The following C12orf42 variants were observed in gnomAD, a reference collection of about 807,000 sequenced individuals.
C12orf42 encodes the protein chromosome 12 open reading frame 42.
In C12orf42, 25 loss-of-function variants were observed where a neutral mutation model predicts 21.6. The ratio of observed to expected loss-of-function variants is 1.16; its 90% CI spans 0.84 to 1.62. The LOEUF is 1.62. C12orf42 is among the 40% of genes most tolerant of loss of function. C12orf42 has a pLI of 0.00. For missense variants in C12orf42, 483 were observed against 459.3 expected, an observed-to-expected ratio of 1.05 and a Z score of -0.47; for synonymous variants, 174 against 175.0, an observed-to-expected ratio of 0.99 and a Z score of 0.05.
intron 4 of C12orf42, among the ~76,000 whole-genome samples, chr12:103,365,559 T>C (rs887959530): frequency 1.3e-5 from 2 of 152,030 alleles, no homozygotes; most frequent in African/African-American, 4.8e-5. Context: ...GATGATATGA[T>C]TGTATACTTA....
chr12:103,235,040 A>C (rs1384079144), downstream of C12orf42, among the ~76,000 whole-genome samples: 2 of 152,208 alleles, frequency 1.3e-5, no homozygotes, highest in African/African-American at 4.8e-5. Context: ...TTCATTATTT[A>C]AAAATTATTT....
At chr12:103,075,205 GT>G in the C12orf42 span, among the ~76,000 whole-genome samples, 1 of 152,138 alleles carries the variant, frequency 6.6e-6, no homozygotes, top group Admixed American at 6.6e-5. Flanking sequence ...GAAATGTACT[GT>G]TTTTAGTTTT....
At chr12:103,496,602 A>G (rs975566721), upstream of C12orf42, among the ~76,000 whole-genome samples, 1 of 152,188 alleles carries the variant, frequency 6.6e-6, no homozygotes, top group Admixed American at 6.5e-5. Flanking sequence ...ATTCCTGCCC[A>G]TAAGCTGTCC....
the C12orf42 span, among the ~76,000 whole-genome samples, chr12:103,193,774 G>T: frequency 1.3e-5 from 2 of 152,012 alleles, no homozygotes; most frequent in South Asian, 4.1e-4. Flanking sequence ...TTTTAAAAAA[G>T]AATTAATACC....
intron 2 of C12orf42, among the ~76,000 whole-genome samples, chr12:103,430,183 G>C (rs1349149702): frequency 6.6e-6 from 1 of 152,094 alleles, no homozygotes; most frequent in Non-Finnish European, 1.5e-5. Context: ...GCAACTTACA[G>C]AATGGGAGAA....
At chr12:103,532,050 T>A in the C12orf42 span, among the ~76,000 whole-genome samples, 5 of 152,234 alleles carry the variant, frequency 3.3e-5, no homozygotes, top group African/African-American at 4.8e-5. Flanking sequence ...CTTGCTATCA[T>A]GTTCTGCTCT....
chr12:103,465,642 C>T (rs370895738), intron 2 of C12orf42, among the ~76,000 whole-genome samples: 3 of 152,030 alleles, frequency 2.0e-5, no homozygotes, highest in African/African-American at 4.8e-5. Context: ...CTATGTTGAA[C>T]GAGAGTGGTG....
chr12:103,186,800 T>C, the C12orf42 span, among the ~76,000 whole-genome samples: 3 of 152,116 alleles, frequency 2.0e-5, no homozygotes. Flanking sequence ...TACTCCTCAT[T>C]ATTATTATAA....
chr12:103,439,851 G>A (rs1298965005), intron 2 of C12orf42, among the ~76,000 whole-genome samples: 5 of 149,744 alleles, frequency 3.3e-5, no homozygotes, highest in Non-Finnish European at 6.0e-5. Flanking sequence ...TCAGTGTGGC[G>A]ATTCCTCAGG....
intron 10 of C12orf42, among the ~76,000 whole-genome samples, chr12:103,260,183 A>G (rs1174799840): frequency 1.3e-5 from 2 of 152,236 alleles, no homozygotes; most frequent in African/African-American, 2.4e-5. Flanking sequence ...TGGCTTCTTT[A>G]TAATTTAGTC....
the C12orf42 span, among the ~76,000 whole-genome samples, chr12:103,554,976 G>A: frequency 5.9e-5 from 9 of 152,238 alleles, no homozygotes; most frequent in Middle Eastern, 6.8e-3. Context: ...GGGAAAGGAC[G>A]GTAGGCAAAA....
the C12orf42 span, among the ~76,000 whole-genome samples, chr12:103,186,672 T>C: frequency 6.6e-6 from 1 of 152,196 alleles, no homozygotes; most frequent in African/African-American, 2.4e-5. Flanking sequence ...CATGAATTAA[T>C]GGATGTATGT....
chr12:103,205,940 G>C, the C12orf42 span, among the ~76,000 whole-genome samples: 38 of 152,196 alleles, frequency 2.5e-4, no homozygotes, highest in African/African-American at 9.2e-4. Flanking sequence ...TAATAGTTCT[G>C]TGAATACTGT....
At chr12:103,210,502 CA>C in the C12orf42 span, among the ~76,000 whole-genome samples, 3 of 152,186 alleles carry the variant, frequency 2.0e-5, no homozygotes, top group African/African-American at 7.2e-5. Flanking sequence ...GGGCCATCAT[CA>C]GGGGACTTCT....
At chr12:103,336,609 C>G (rs2041722363) in intron 4 of C12orf42, among the ~76,000 whole-genome samples, 1 of 152,142 alleles carries the variant, frequency 6.6e-6, no homozygotes, top group African/African-American at 2.4e-5. Flanking sequence ...TGAATATATC[C>G]TAAAAGCATC....
rs374401049 is a variant in C12orf42, at chr12:103,435,156, A to G, written c.79-33481T>C. Among the ~76,000 whole-genome samples the G allele has an allele frequency of 2.0e-3, 296 of 151,792 alleles. 2 individuals are homozygous for G. Among genetic ancestry groups the G allele is most frequent in the Middle Eastern group, 0.014 (4 of 294 alleles). Reference sequence around the variant, plus strand: ...GCAGAGGCACACTGACACCTCACACAGCAGGGTATTCCAACAGACCTGCAG... The same window carrying G: ...GCAGAGGCACACTGACACCTCACACGGCAGGGTATTCCAACAGACCTGCAG... On this transcript the variant is annotated intron_variant, in intron 2 of 5. Coordinates refer to ENST00000548883, the MANE Select transcript of C12orf42 (RefSeq NM_198521.5).
intron 4 of C12orf42, among the ~76,000 whole-genome samples, chr12:103,337,172 T>C (rs1429184733): frequency 2.6e-5 from 4 of 152,228 alleles, no homozygotes; most frequent in Non-Finnish European, 5.9e-5. Flanking sequence ...AAGTCAACTG[T>C]AAACTAGAAA....
chr12:103,060,899 G>A, the C12orf42 span, among the ~76,000 whole-genome samples: 1 of 152,152 alleles, frequency 6.6e-6, no homozygotes, highest in East Asian at 1.9e-4. Flanking sequence ...ATACTATTCA[G>A]AACATAGGCT....
intron 4 of C12orf42, among the ~76,000 whole-genome samples, chr12:103,282,834 T>C (rs1347239789): frequency 6.6e-6 from 1 of 152,242 alleles, no homozygotes; most frequent in African/African-American, 2.4e-5. Flanking sequence ...TATTTTCCCA[T>C]GAAAGAGTCA....
Sources: gnomAD v4.1 joint callset for allele counts (sites outside exome capture counted in the v4.1 genomes callset) on GRCh38, gnomAD v4.1.1 for gene constraint, MANE v1.5 for transcripts, NCBI Gene and HGNC (gene_info 2026-07-23, HGNC 2026-07-21) for gene names.